The following MYO7A variants were observed in gnomAD, a reference collection of about 807,000 sequenced individuals.
The protein encoded by MYO7A is unconventional myosin-VIIa.
A neutral mutation model predicts 263.8 loss-of-function variants in MYO7A; 210 were observed. The ratio of observed to expected loss-of-function variants is 0.80; its 90% CI spans 0.71 to 0.89. MYO7A has a LOEUF of 0.89. Ranked by LOEUF, MYO7A falls within the 40% of genes least tolerant of loss-of-function variation. The probability of loss-of-function intolerance (pLI) is 0.00; values close to 1 mark genes in which losing one functional copy is unlikely to be tolerated. For synonymous variants in MYO7A, 1,239 were observed against 1,197.3 expected (o/e 1.03, Z -0.72); for missense variants, 2,820 against 2,968.3 (o/e 0.95, Z 1.16).
At chr11:77,165,604 C>T (rs1953460935) in intron 14 of MYO7A, among the ~76,000 whole-genome samples, 1 of 152,232 alleles carries the variant, frequency 6.6e-6, no homozygotes, top group South Asian at 2.1e-4. Context: ...ATAGAAGGAG[C>T]TGTGAGGGGT....
Position 77,208,422 on chromosome 11 carries a change from G to T in MYO7A, c.5857-8G>T. ...AAACTGAGTGTGCTTCGATGGCCCT[G>T]ACCCCAGGTCCTCAGCGTTCCTGAG... On this transcript the variant is annotated splice_region_variant and splice_polypyrimidine_tract_variant and intron_variant, in intron 42 of 48. Transcript: ENST00000409709. The T allele has an allele frequency of 1.2e-6, 2 of 1,604,674 alleles. No individual in the cohort carries two copies. Among genetic ancestry groups the T allele is most frequent in the Non-Finnish European group, 1.7e-6 (2 of 1,172,216 alleles).
At chr11:77,203,317 C>G (rs770286015) in intron 38 of MYO7A, 100 bp downstream of exon 38, 1 of 1,363,352 alleles carries the variant, frequency 7.3e-7, no homozygotes, top group Non-Finnish European at 9.9e-7. Context: ...GACCCGGGCA[C>G]ACATGGGGAG....
chr11:77,199,754 C>T lies in MYO7A; in HGVS notation c.4788C>T (p.Thr1596=). 1.2e-6 allele frequency: 2 copies of T among 1,613,168 alleles called. No homozygotes were observed. The highest frequency in any genetic ancestry group is 3.3e-4 in the Middle Eastern group (2 of 6,062). The part of the protein sequence containing the change: ...NAEDIRDLVV[T]FLEGLRKRSK... ...AGGACATTCGTGACCTGGTGGTCACCTTCCTAGAGGGGCTCCGGAAGAGAT... is the reference window on the plus strand; with the variant it reads ...AGGACATTCGTGACCTGGTGGTCACTTTCCTAGAGGGGCTCCGGAAGAGAT... Residue 1596 remains threonine (T), a synonymous_variant, in exon 35 of 49, where the codon ACC becomes ACT. Transcript: ENST00000409709.
At chr11:77,193,736 G>A (rs10899357) in intron 31 of MYO7A, among the ~76,000 whole-genome samples, 88,308 of 152,052 alleles carry the variant, frequency 0.58, 26,126 homozygotes, top group African/African-American at 0.68. Flanking sequence ...CCTTGCTGCT[G>A]GAGCCCTGGG....
At chr11:77,152,320 G>T (rs7104551) in intron 4 of MYO7A, among the ~76,000 whole-genome samples, 13,165 of 152,232 alleles carry the variant, frequency 0.086, 675 homozygotes, top group Middle Eastern at 0.22. Flanking sequence ...CAGCATGGCT[G>T]GGGCTGCCTC....
rs1955337306 is a variant in MYO7A at position 77,182,606 on chromosome 11, G to A, written c.3285+6G>A. ...CCCTGCAGGGCGAGGGCGAGGTGAGGCCAAGGTGCCCTCTGGATGATGTCC... is the reference window on the plus strand; with the variant it reads ...CCCTGCAGGGCGAGGGCGAGGTGAGACCAAGGTGCCCTCTGGATGATGTCC... On this transcript the variant is annotated splice_donor_region_variant and intron_variant, in intron 25 of 48. Coordinates refer to ENST00000409709, the MANE Select transcript of MYO7A (RefSeq NM_000260.4). 2 of 1,612,748 alleles carry A rather than the reference G, an allele frequency of 1.2e-6. No individual in the cohort carries two copies. Among genetic ancestry groups the A allele is most frequent in the Non-Finnish European group, 8.5e-7 (1 of 1,179,822 alleles).
At chr11:77,187,892 G>A (rs1362530145) in intron 27 of MYO7A, among the ~76,000 whole-genome samples, 1 of 152,170 alleles carries the variant, frequency 6.6e-6, no homozygotes, top group Non-Finnish European at 1.5e-5. Context: ...TAGGCCTCCT[G>A]CCTCCTATCA....
chr11:77,188,051 C>T (rs565609881), intron 27 of MYO7A, among the ~76,000 whole-genome samples: 57 of 152,334 alleles, frequency 3.7e-4, no homozygotes, highest in African/African-American at 1.3e-3. Context: ...CACCATCATA[C>T]CTAAAGCTGA....
chr11:77,204,207 C>T lies in MYO7A; in HGVS notation c.5458C>T (p.Gln1820Ter), dbSNP rs369973293. ...KDEAYVQILK[Q>*]LTDNHIRYSE... The stretch of plus-strand genomic sequence containing the variant: ...CGAGGCATATGTGCAGATCCTGAAG[C>T]AGCTGACCGACAACCACATCAGGTG... Residue 1820 changes from glutamine (Q) to a stop codon, truncating the protein, a stop_gained, in exon 39 of 49, where the codon CAG becomes TAG. Coordinates refer to ENST00000409709, the MANE Select transcript of MYO7A (RefSeq NM_000260.4). LOFTEE classifies it high-confidence loss of function. 6.3e-7 allele frequency: 1 copy of T among 1,578,388 alleles called. No homozygotes were observed. Among genetic ancestry groups the T allele is most frequent in the African/African-American group, 1.4e-5 (1 of 74,012 alleles).
intron 3 of MYO7A, among the ~76,000 whole-genome samples, chr11:77,145,236 A>G (rs538320923): frequency 1.3e-5 from 2 of 152,304 alleles, no homozygotes; most frequent in East Asian, 1.9e-4. Context: ...CTGGATGAGC[A>G]TTTACCAAGC....
At chr11:77,212,402 C>T (rs908884749) in intron 46 of MYO7A, 14 of 357,026 alleles carry the variant, frequency 3.9e-5, no homozygotes, top group African/African-American at 2.6e-4. Flanking sequence ...GGGCAGGAGG[C>T]GAGAGTGGGC....
intron 18 of MYO7A, among the ~76,000 whole-genome samples, chr11:77,177,213 G>A (rs921595164): frequency 8.5e-5 from 13 of 152,220 alleles, no homozygotes; most frequent in Non-Finnish European, 1.6e-4. Context: ...AGGGACTGAT[G>A]TGACAGGGAC....
chr11:77,193,014 T>C (rs1260962164), intron 31 of MYO7A, among the ~76,000 whole-genome samples: 2 of 144,980 alleles, frequency 1.4e-5, no homozygotes, highest in Non-Finnish European at 3.0e-5. Flanking sequence ...TTGGTGATGG[T>C]GGAGGTAGCG....
At chr11:77,160,618 C>T (rs550121458) in intron 11 of MYO7A, among the ~76,000 whole-genome samples, 1 of 152,080 alleles carries the variant, frequency 6.6e-6, no homozygotes, top group African/African-American at 2.4e-5. Flanking sequence ...TGCCATTCAT[C>T]GAGCCTTCAC....
At chr11:77,213,538 G>A (rs1957997865) in intron 47 of MYO7A, among the ~76,000 whole-genome samples, 1 of 152,062 alleles carries the variant, frequency 6.6e-6, no homozygotes, top group Non-Finnish European at 1.5e-5. Flanking sequence ...GTTTCCCAAG[G>A]TTCTGCCCTG....
chr11:77,188,408 A>G lies in MYO7A; in HGVS notation c.3504-936A>G, dbSNP rs114908971. 3.1e-3 allele frequency among the ~76,000 whole-genome samples: 478 copies of G among 152,338 alleles called. 2 individuals are homozygous for G. The highest frequency in any genetic ancestry group is 9.8e-3 in the African/African-American group (406 of 41,570). ...TGTGTTATAAATGTTCTCATTTATC[A>G]TGATAAAAAAATGGGTAACTTCAGA... On this transcript the variant is annotated intron_variant, in intron 27 of 48. Transcript: ENST00000409709.
chr11:77,160,685 C>T (rs1158595665), intron 11 of MYO7A, among the ~76,000 whole-genome samples: 1 of 152,144 alleles, frequency 6.6e-6, no homozygotes, highest in African/African-American at 2.4e-5. Context: ...CAGGGTTGGA[C>T]ATAGAGATGA....
At position 77,179,072 on chromosome 11, in the gene MYO7A, T is replaced by C; in HGVS notation, c.2310T>C (p.Ala770=). Residue 770 remains alanine (A), a synonymous_variant, in exon 20 of 49, where the codon GCT becomes GCC. Coordinates refer to ENST00000409709, the MANE Select transcript of MYO7A (RefSeq NM_000260.4). The stretch of plus-strand genomic sequence containing the variant: ...CTAACTTTCTGAAGCTGAAGAACGC[T>C]GCCACACTGATCCAGAGGCACTGGC... ...DRSNFLKLKN[A]ATLIQRHWRG... 2 of 1,609,200 alleles carry C rather than the reference T, an allele frequency of 1.2e-6. 1 individual carries two copies. Among genetic ancestry groups the C allele is most frequent in the South Asian group, 2.2e-5 (2 of 90,014 alleles).
chr11:77,208,297 C>T (rs1306748215), intron 42 of MYO7A, 133 bp from the exon 43 acceptor site: 4 of 705,060 alleles, frequency 5.7e-6, no homozygotes, highest in Non-Finnish European at 9.8e-6. Context: ...GTGGGGCTGA[C>T]ACACAGAAAC....
Sources: allele counts gnomAD v4.1 joint callset (sites outside exome capture counted in the v4.1 genomes callset), GRCh38; gene constraint gnomAD v4.1.1; transcripts MANE v1.5; gene names NCBI Gene and HGNC (gene_info 2026-07-23, HGNC 2026-07-21).